The following ANGPTL2 variants were observed in gnomAD, a reference collection of about 807,000 sequenced individuals.
The protein encoded by ANGPTL2 is angiopoietin like 2, also known as angiopoietin-related protein 2.
Under a neutral mutation model 52.8 loss-of-function variants are expected in ANGPTL2, and 25 were observed. That is an observed-to-expected ratio of 0.47 (90% confidence interval 0.35 to 0.66). ANGPTL2 has a LOEUF of 0.66. ANGPTL2 is among the 30% of genes least tolerant of loss of function. ANGPTL2 has a pLI of 0.01. For synonymous variants in ANGPTL2, 276 were observed against 277.4 expected (o/e 1.00, Z 0.05); for missense variants, 546 against 656.9 (o/e 0.83, Z 1.84).
At chr9:127,092,554 G>A (rs939813070) in intron 3 of ANGPTL2, among the ~76,000 whole-genome samples, 2 of 152,090 alleles carry the variant, frequency 1.3e-5, no homozygotes, top group African/African-American at 2.4e-5. Flanking sequence ...AGTATTGAGC[G>A]CTTGTGATGT....
Position 127,091,973 on chromosome 9 carries a change from G to GCCTGCAGCA in ANGPTL2, c.1012-42_1012-34dup. 6.2e-7 allele frequency: 1 copy of GCCTGCAGCA among 1,604,624 alleles called. No individual in the cohort carries two copies. Among genetic ancestry groups the GCCTGCAGCA allele is most frequent in the Non-Finnish European group, 8.5e-7 (1 of 1,173,724 alleles). ...AAACCCAGGAGAGTGTTAATGTGGAGCCTGCAGCACCTGCAGCCAGCAGGC... is the reference window on the plus strand; with the variant it reads ...AAACCCAGGAGAGTGTTAATGTGGAGCCTGCAGCACCTGCAGCACCTGCAGCCAGCAGGC... On this transcript the variant is annotated intron_variant, in intron 3 of 4. Coordinates refer to ENST00000373425, the MANE Select transcript of ANGPTL2 (RefSeq NM_012098.3). The surrounding 1 kb of genome is among the most constrained non-coding windows in gnomAD (Gnocchi z 4.3).
chr9:127,119,206 A>C (rs1471639042), intron 1 of ANGPTL2, among the ~76,000 whole-genome samples: 1 of 152,198 alleles, frequency 6.6e-6, no homozygotes, highest in Non-Finnish European at 1.5e-5. Context: ...AGGTACCCTC[A>C]TAACTGTGCT....
chr9:127,110,930 C>T (rs540469029), intron 1 of ANGPTL2, among the ~76,000 whole-genome samples: 1 of 152,132 alleles, frequency 6.6e-6, no homozygotes, highest in Admixed American at 6.5e-5. Context: ...TACCTTCTGT[C>T]CTCAACTTCA....
At position 127,093,721 on chromosome 9, in the gene ANGPTL2, G is replaced by A. The variant is rs1030749702; in HGVS notation, c.1011+12C>T. On this transcript the variant is annotated intron_variant, in intron 3 of 4. Transcript: ENST00000373425. ...CTTGTGGGCAGCACAGACATCCCCT[G>A]CCGAGTCTCACCTTGTACGTCTCCC... The A allele has an allele frequency of 1.9e-6, 3 of 1,613,350 alleles. No individual in the cohort carries two copies. Among genetic ancestry groups the A allele is most frequent in the African/African-American group, 2.7e-5 (2 of 74,892 alleles).
At chr9:127,093,292 C>A (rs2052700093) in intron 3 of ANGPTL2, among the ~76,000 whole-genome samples, 1 of 152,196 alleles carries the variant, frequency 6.6e-6, no homozygotes, top group African/African-American at 2.4e-5. Flanking sequence ...GCCACAACTC[C>A]CTACCAGGAC....
At chr9:127,105,641 C>T (rs2054146224) in intron 2 of ANGPTL2, among the ~76,000 whole-genome samples, 4 of 152,226 alleles carry the variant, frequency 2.6e-5, no homozygotes, top group African/African-American at 9.7e-5. Context: ...AGTGATCAGA[C>T]AGCCCAGTTT....
At chr9:127,106,634 G>A (rs914733686) in intron 2 of ANGPTL2, among the ~76,000 whole-genome samples, 15 of 152,256 alleles carry the variant, frequency 9.9e-5, no homozygotes, top group East Asian at 7.7e-4. Context: ...ACTCCAAAGC[G>A]CCTGCTCTCA....
At chr9:127,105,061 A>G (rs1381634106) in intron 2 of ANGPTL2, among the ~76,000 whole-genome samples, 1 of 152,106 alleles carries the variant, frequency 6.6e-6, no homozygotes, top group South Asian at 2.1e-4. Flanking sequence ...ACCCTCCCCC[A>G]GCTGCTCTCT....
At chr9:127,110,023 T>C (rs745861051) in intron 1 of ANGPTL2, among the ~76,000 whole-genome samples, 1 of 151,998 alleles carries the variant, frequency 6.6e-6, no homozygotes, top group Non-Finnish European at 1.5e-5. Flanking sequence ...AATCATACGG[T>C]TTTTTCTCTC....
At chr9:127,108,889 C>G in intron 1 of ANGPTL2, 109 bp from the exon 2 acceptor site, 1 of 791,308 alleles carries the variant, frequency 1.3e-6, no homozygotes, top group South Asian at 2.0e-5. Context: ...TCCAAAAACT[C>G]TGCTTCAGGA....
chr9:127,094,443 T>C (rs1479439004), intron 2 of ANGPTL2, among the ~76,000 whole-genome samples: 2 of 152,232 alleles, frequency 1.3e-5, no homozygotes, highest in African/African-American at 4.8e-5. Flanking sequence ...CAAGTACAGT[T>C]GGCACCCTTC....
chr9:127,116,471 C>A (rs1314912230), intron 1 of ANGPTL2, among the ~76,000 whole-genome samples: 1 of 152,166 alleles, frequency 6.6e-6, no homozygotes, highest in East Asian at 1.9e-4. Flanking sequence ...GGAGCCTTGG[C>A]CAACAGAGCA....
At chr9:127,092,361 G>A (rs967324809) in intron 3 of ANGPTL2, among the ~76,000 whole-genome samples, 1 of 152,152 alleles carries the variant, frequency 6.6e-6, no homozygotes. Flanking sequence ...CGTGTAAGCT[G>A]TAACGCACCA....
chr9:127,120,243 T>C (rs1193737508), intron 1 of ANGPTL2, among the ~76,000 whole-genome samples: 2 of 152,174 alleles, frequency 1.3e-5, no homozygotes, highest in African/African-American at 4.8e-5. Context: ...GCTGGGGAGA[T>C]CAATAGGCAG....
chr9:127,117,915 C>G (rs1471285111), intron 1 of ANGPTL2, among the ~76,000 whole-genome samples: 1 of 152,144 alleles, frequency 6.6e-6, no homozygotes, highest in African/African-American at 2.4e-5. Flanking sequence ...CCTTGGTGGT[C>G]TTGGTACTGC....
chr9:127,103,690 T>C (rs1212443019), intron 2 of ANGPTL2, among the ~76,000 whole-genome samples: 1 of 152,210 alleles, frequency 6.6e-6, no homozygotes, highest in Middle Eastern at 3.2e-3. Context: ...TTTTGTGTCA[T>C]TGGAACCATG....
intron 1 of ANGPTL2, among the ~76,000 whole-genome samples, chr9:127,115,652 G>T (rs1392536163): frequency 6.6e-6 from 1 of 152,242 alleles, no homozygotes; most frequent in African/African-American, 2.4e-5. Flanking sequence ...CAACCAGTAT[G>T]AATAAAAGGT....
intron 1 of ANGPTL2, among the ~76,000 whole-genome samples, chr9:127,120,411 C>G (rs1208245102): frequency 6.6e-6 from 1 of 152,188 alleles, no homozygotes; most frequent in Admixed American, 6.5e-5. Context: ...ATAAAGCCCC[C>G]CTCTCCTCAG....
intron 1 of ANGPTL2, among the ~76,000 whole-genome samples, chr9:127,116,044 T>G (rs981577856): frequency 2.0e-5 from 3 of 152,178 alleles, no homozygotes; most frequent in Admixed American, 6.5e-5. Flanking sequence ...ATAAGACCAT[T>G]GAATGAACCA....
Sources: allele counts gnomAD v4.1 joint callset (sites outside exome capture counted in the v4.1 genomes callset), GRCh38; gene constraint gnomAD v4.1.1; non-coding constraint Gnocchi (gnomAD v3.1); transcripts MANE v1.5; gene names NCBI Gene and HGNC (gene_info 2026-07-23, HGNC 2026-07-21).